The following DTNBP1 variants were observed in gnomAD, a reference collection of about 807,000 sequenced individuals.
DTNBP1 encodes dysbindin.
Under a neutral mutation model 42.8 loss-of-function variants are expected in DTNBP1, and 35 were observed. The observed-to-expected ratio is 0.82, with a 90% CI of 0.63 to 1.09. The LOEUF (loss-of-function observed/expected upper bound fraction) is 1.09. Among genes scored for constraint, DTNBP1 ranks in the 50% least tolerant of loss-of-function variants. The pLI, the probability that DTNBP1 is intolerant of heterozygous loss-of-function variation, is 0.00. For synonymous variants in DTNBP1, 171 were observed against 162.2 expected (o/e 1.05, Z -0.41); for missense variants, 457 against 424.2 (o/e 1.08, Z -0.68).
At chr6:15,551,290 G>A (rs186695812) in intron 7 of DTNBP1, among the ~76,000 whole-genome samples, 5 of 152,262 alleles carry the variant, frequency 3.3e-5, no homozygotes, top group Admixed American at 6.5e-5. Context: ...TGCTGAAGAT[G>A]TGCTACTTCT....
rs1772205653 is a variant in DTNBP1 at position 15,524,451 on chromosome 6, T to G, written c.811+75A>C. The G allele has an allele frequency of 1.2e-6, 2 of 1,614,050 alleles. No homozygotes were observed. The highest frequency in any genetic ancestry group is 1.7e-6 in the Non-Finnish European group (2 of 1,179,916). Reference sequence around the variant, plus strand: ...TATGCGTAAGTGACTGGCAGATGGTTCTCACGTCTCACCTTTGGAGGGGAG... The same window carrying G: ...TATGCGTAAGTGACTGGCAGATGGTGCTCACGTCTCACCTTTGGAGGGGAG... On this transcript the variant is annotated intron_variant, in intron 9 of 9. Transcript: ENST00000344537.
intron 7 of DTNBP1, among the ~76,000 whole-genome samples, chr6:15,538,859 C>T (rs1773394852): frequency 6.6e-6 from 1 of 152,224 alleles, no homozygotes; most frequent in Non-Finnish European, 1.5e-5. Context: ...TCACCCAAGG[C>T]ATTGTTTCCT....
chr6:15,591,740 C>CA, intron 7 of DTNBP1, among the ~76,000 whole-genome samples: 1 of 152,266 alleles, frequency 6.6e-6, no homozygotes, highest in East Asian at 1.9e-4. Context: ...GTAAAACTGA[C>CA]ATTTTACATA....
rs375672695 is a variant in DTNBP1, at chr6:15,530,948, C to T, written c.667+2292G>A. Among the ~76,000 whole-genome samples the T allele has an allele frequency of 1.6e-4, 25 of 152,182 alleles. No individual in the cohort carries two copies. In the East Asian group the frequency reaches 2.9e-3, roughly 18 times the overall value. ...TAAAATTTGTATGTTGAAGCCCTAA[C>T]CCCCAATATGAGGATATTTGGAGCT... On this transcript the variant is annotated intron_variant, in intron 8 of 9. Transcript: ENST00000344537.
At chr6:15,583,056 T>C (rs1775906813) in intron 7 of DTNBP1, among the ~76,000 whole-genome samples, 1 of 152,186 alleles carries the variant, frequency 6.6e-6, no homozygotes, top group Admixed American at 6.5e-5. Flanking sequence ...CATAGCTCAC[T>C]GCAGCCTCAA....
At chr6:15,592,994 C>T (rs1389286727) in intron 7 of DTNBP1, 65 bp downstream of exon 7, 3 of 1,411,982 alleles carry the variant, frequency 2.1e-6, no homozygotes, top group African/African-American at 1.5e-5. Flanking sequence ...TCATCATTGT[C>T]GAGAGAACAT....
chr6:15,535,735 C>T (rs1036814208), intron 7 of DTNBP1, among the ~76,000 whole-genome samples: 10 of 152,042 alleles, frequency 6.6e-5, no homozygotes, highest in Admixed American at 3.9e-4. Context: ...AACTGGGTTA[C>T]GGGTAGAGGT....
Position 15,523,593 on chromosome 6 carries a change from C to G in DTNBP1, c.812-374G>C, listed in dbSNP as rs146124716. The G allele has an allele frequency of 7.5e-4, 965 of 1,278,432 alleles. 5 individuals are homozygous for G. In the African/African-American group the frequency reaches 9.3e-3, roughly 12 times the overall value. The allele number at this position is 1,278,432 out of a possible 1,614,324, so 79.2% of individuals were successfully genotyped here. A position where few individuals can be genotyped will look rare whatever the true frequency, so the allele number is the denominator to read the frequency against. ...TTTTTTTTTACCCTTTGCAGTAATT[C>G]AGAGACACCACTGCTGAGAAAGTCG... is the stretch of plus-strand genomic sequence containing the variant. On this transcript the variant is annotated intron_variant, in intron 9 of 9. Transcript: ENST00000344537.
intron 4 of DTNBP1, among the ~76,000 whole-genome samples, chr6:15,633,491 A>G (rs1759811337): frequency 6.6e-6 from 1 of 152,196 alleles, no homozygotes; most frequent in South Asian, 2.1e-4. Flanking sequence ...TTCAGAAGTA[A>G]CTCCAAATGC....
rs888406870 is a variant in DTNBP1, at chr6:15,627,494, G to C, written c.223-19C>G. The C allele has an allele frequency of 7.4e-6, 12 of 1,613,430 alleles. No individual in the cohort carries two copies. The highest frequency in any genetic ancestry group is 9.3e-6 in the Non-Finnish European group (11 of 1,179,796). ...CCACCAGCTGCAGCACACAAGAAGGGGGGTAAAGTGAAACCAGGTTTTAGG... is the reference window on the plus strand; with the variant it reads ...CCACCAGCTGCAGCACACAAGAAGGCGGGTAAAGTGAAACCAGGTTTTAGG... On this transcript the variant is annotated intron_variant, in intron 4 of 9. Coordinates refer to ENST00000344537, the MANE Select transcript of DTNBP1 (RefSeq NM_032122.5).
At chr6:15,523,831 T>C in intron 9 of DTNBP1, 1 of 1,287,174 alleles carries the variant, frequency 7.8e-7, no homozygotes, top group African/African-American at 1.5e-5. Flanking sequence ...TCTGACAGAT[T>C]GCCAGGAGAA....
intron 4 of DTNBP1, among the ~76,000 whole-genome samples, chr6:15,628,187 A>G (rs1581410928): frequency 6.6e-6 from 1 of 152,134 alleles, no homozygotes; most frequent in East Asian, 1.9e-4. Context: ...TTTTGGTCTT[A>G]ACATAGTGGG....
chr6:15,579,889 C>A (rs547965747), intron 7 of DTNBP1: 115 of 455,230 alleles, frequency 2.5e-4, no homozygotes, highest in South Asian at 1.8e-3. Flanking sequence ...TGCTAATTAT[C>A]CTGATTTACT....
intron 7 of DTNBP1, among the ~76,000 whole-genome samples, chr6:15,578,180 C>T (rs1197575454): frequency 6.6e-6 from 1 of 152,176 alleles, no homozygotes; most frequent in Non-Finnish European, 1.5e-5. Flanking sequence ...ACGGTGCCAG[C>T]GAGGAAGCCA....
chr6:15,585,778 G>C (rs6926401), intron 7 of DTNBP1: 2 of 1,533,350 alleles, frequency 1.3e-6, no homozygotes, highest in South Asian at 1.2e-5. Context: ...GAGACCTGAA[G>C]GAGTGAACAG....
At chr6:15,662,538 G>T (rs1344974892) in intron 1 of DTNBP1, among the ~76,000 whole-genome samples, 1 of 152,200 alleles carries the variant, frequency 6.6e-6, no homozygotes, top group Non-Finnish European at 1.5e-5. Flanking sequence ...AGGACCGCAG[G>T]GTCCCACACC....
At position 15,533,414 on chromosome 6, in the gene DTNBP1, T is replaced by G; in HGVS notation, c.512-19A>C. The stretch of plus-strand genomic sequence containing the variant: ...AGTTCAGCTGAGGAAACAGAATAAC[T>G]GGGGTTAGGGTTTGAAAAGGGACTG... On this transcript the variant is annotated intron_variant, in intron 7 of 9. Transcript: ENST00000344537. The G allele has an allele frequency of 6.2e-7, 1 of 1,614,170 alleles. No individual in the cohort carries two copies. The highest frequency in any genetic ancestry group is 8.5e-7 in the Non-Finnish European group (1 of 1,180,020).
intron 5 of DTNBP1, among the ~76,000 whole-genome samples, chr6:15,625,843 A>G (rs1173604757): frequency 6.6e-6 from 1 of 152,244 alleles, no homozygotes; most frequent in Non-Finnish European, 1.5e-5. Context: ...GAAAGTGGCT[A>G]AGAAGAATGT....
Position 15,532,697 on chromosome 6 carries a change from CTTTT to C in DTNBP1, c.667+539_667+542del, listed in dbSNP as rs373480713. Among the ~76,000 whole-genome samples the C allele has an allele frequency of 4.4e-3, 413 of 93,108 alleles. 5 individuals carry two copies. Among genetic ancestry groups the C allele is most frequent in the African/African-American group, 0.017 (387 of 22,392 alleles). 61.1% of individuals were successfully genotyped at this position (93,108 alleles called of 152,430 possible). ...TAGAAGCATAATTTGTGTTTGTAATCTTTTTTTTTTTTTTTTTTTTTTGAGACAG... is the reference window on the plus strand; with the variant it reads ...TAGAAGCATAATTTGTGTTTGTAATCTTTTTTTTTTTTTTTTTTGAGACAG... On this transcript the variant is annotated intron_variant, in intron 8 of 9. Coordinates refer to ENST00000344537, the MANE Select transcript of DTNBP1 (RefSeq NM_032122.5).
Sources: gnomAD v4.1 joint callset for allele counts (sites outside exome capture counted in the v4.1 genomes callset) on GRCh38, gnomAD v4.1.1 for gene constraint, MANE v1.5 for transcripts, NCBI Gene and HGNC (gene_info 2026-07-23, HGNC 2026-07-21) for gene names.